Variants in FBXL7 observed in about 807,000 individuals in gnomAD.
FBXL7 encodes F-box and leucine rich repeat protein 7, also known as F-box/LRR-repeat protein 7.
Under a neutral mutation model 38.3 loss-of-function variants are expected in FBXL7, and 12 were observed. The observed-to-expected ratio is 0.31, with a 90% CI of 0.20 to 0.51. FBXL7 has a LOEUF of 0.51. Among genes scored for constraint, FBXL7 ranks in the 20% least tolerant of loss-of-function variants. The pLI is 0.98. For missense variants in FBXL7, 567 were observed against 676.4 expected (o/e 0.84, Z 1.79); for synonymous variants, 297 against 300.9 (o/e 0.99, Z 0.13).
chr5:15,830,803 G>A (rs1738436691), intron 2 of FBXL7, among the ~76,000 whole-genome samples: 1 of 152,178 alleles, frequency 6.6e-6, no homozygotes, highest in South Asian at 2.1e-4. Flanking sequence ...AGAGAAGATG[G>A]TGGAGGGGAG....
At chr5:15,537,361 A>G (rs142630730) in intron 1 of FBXL7, among the ~76,000 whole-genome samples, 54 of 152,348 alleles carry the variant, frequency 3.5e-4, no homozygotes, top group Non-Finnish European at 6.9e-4. Flanking sequence ...AACACAGTAG[A>G]TAGGACACAC....
intron 2 of FBXL7, among the ~76,000 whole-genome samples, chr5:15,815,587 A>ACC (rs1480557493): frequency 6.6e-6 from 1 of 152,202 alleles, no homozygotes; most frequent in Non-Finnish European, 1.5e-5. Context: ...ACATTAAAGA[A>ACC]TCTACTCAAT....
At chr5:15,776,779 A>G (rs553665260) in intron 2 of FBXL7, among the ~76,000 whole-genome samples, 1 of 152,236 alleles carries the variant, frequency 6.6e-6, no homozygotes, top group Admixed American at 6.5e-5. Flanking sequence ...TTTACCTTAA[A>G]TATTCTTATG....
intron 1 of FBXL7, among the ~76,000 whole-genome samples, chr5:15,590,488 C>G (rs1739438425): frequency 6.6e-6 from 1 of 152,124 alleles, no homozygotes; most frequent in African/African-American, 2.4e-5. Flanking sequence ...TGCAAGACTT[C>G]AAGTTTCACC....
intron 2 of FBXL7, among the ~76,000 whole-genome samples, chr5:15,655,889 T>G (rs1431077065): frequency 2.6e-5 from 4 of 152,208 alleles, no homozygotes; most frequent in Non-Finnish European, 4.4e-5. Flanking sequence ...AGTACTGTTA[T>G]TGTATCTGGA....
At chr5:15,521,264 G>T (rs1320727335) in intron 1 of FBXL7, among the ~76,000 whole-genome samples, 1 of 152,162 alleles carries the variant, frequency 6.6e-6, no homozygotes, top group Non-Finnish European at 1.5e-5. Flanking sequence ...ACTGCTTATT[G>T]GTTTACTATG....
At chr5:15,850,982 C>G (rs1260941806) in intron 2 of FBXL7, among the ~76,000 whole-genome samples, 1 of 152,244 alleles carries the variant, frequency 6.6e-6, no homozygotes, top group African/African-American at 2.4e-5. Flanking sequence ...TTCCCCTCTC[C>G]TAGAGCCGCT....
At chr5:15,926,411 T>C (rs1245480532) in intron 2 of FBXL7, among the ~76,000 whole-genome samples, 3 of 148,334 alleles carry the variant, frequency 2.0e-5, no homozygotes, top group East Asian at 3.9e-4. Context: ...ATTTATATTA[T>C]ATTGGATCTA....
chr5:15,648,550 T>A (rs1323006975), intron 2 of FBXL7, among the ~76,000 whole-genome samples: 1 of 152,220 alleles, frequency 6.6e-6, no homozygotes, highest in Non-Finnish European at 1.5e-5. Context: ...TAAAGCCCAG[T>A]TGAACAGTTC....
intron 2 of FBXL7, among the ~76,000 whole-genome samples, chr5:15,775,767 A>G (rs1366318780): frequency 6.6e-6 from 1 of 152,204 alleles, no homozygotes; most frequent in African/African-American, 2.4e-5. Context: ...AAACGAGGAT[A>G]GCAGTCTTTT....
intron 2 of FBXL7, among the ~76,000 whole-genome samples, chr5:15,654,508 C>T (rs1016071953): frequency 9.9e-5 from 15 of 151,366 alleles, no homozygotes; most frequent in African/African-American, 3.6e-4. Flanking sequence ...ATGGCTGATA[C>T]ATATTCGGAA....
At position 15,933,846 on chromosome 5, in the gene FBXL7, C is replaced by T. The variant is rs111860336; in HGVS notation, c.740-2604C>T. On this transcript the variant is annotated intron_variant, in intron 3 of 3. Coordinates refer to ENST00000504595, the MANE Select transcript of FBXL7 (RefSeq NM_012304.5). ...GAAACAGCCAAGGTGCAGAAGTGTC[C>T]GAAGTGAGGCGCCTAGCTGTAGAAC... 4.7e-3 allele frequency among the ~76,000 whole-genome samples: 718 copies of T among 152,006 alleles called. 6 individuals carry two copies. Among genetic ancestry groups the T allele is most frequent in the African/African-American group, 0.016 (648 of 41,438 alleles).
chr5:15,527,938 A>C (rs929613059), intron 1 of FBXL7, among the ~76,000 whole-genome samples: 2 of 152,196 alleles, frequency 1.3e-5, no homozygotes, highest in Non-Finnish European at 2.9e-5. Context: ...TAATTCTTCA[A>C]ATATTCTTCA....
chr5:15,559,335 C>T (rs1738343007), intron 1 of FBXL7, among the ~76,000 whole-genome samples: 2 of 152,058 alleles, frequency 1.3e-5, no homozygotes, highest in Non-Finnish European at 2.9e-5. Context: ...TCATGGAGCT[C>T]ACAATGAAAA....
chr5:15,647,478 AT>A (rs1741569523), intron 2 of FBXL7, among the ~76,000 whole-genome samples: 1 of 152,206 alleles, frequency 6.6e-6, no homozygotes, highest in Non-Finnish European at 1.5e-5. Flanking sequence ...GACCACAGCA[AT>A]GTCTACAATC....
At chr5:15,724,026 T>C (rs1328277746) in intron 2 of FBXL7, among the ~76,000 whole-genome samples, 4 of 152,200 alleles carry the variant, frequency 2.6e-5, no homozygotes, top group African/African-American at 9.6e-5. Flanking sequence ...CATTGAGGAA[T>C]ATCTTGGTAC....
intron 1 of FBXL7, among the ~76,000 whole-genome samples, chr5:15,562,630 G>A (rs956342535): frequency 1.3e-5 from 2 of 151,640 alleles, no homozygotes; most frequent in South Asian, 2.1e-4. Context: ...TTTCTTGCTC[G>A]TCTGTCTGCT....
intron 2 of FBXL7, among the ~76,000 whole-genome samples, chr5:15,810,899 C>T (rs920071096): frequency 6.6e-6 from 1 of 152,154 alleles, no homozygotes; most frequent in African/African-American, 2.4e-5. Flanking sequence ...ACATATCTCT[C>T]AAGTAAATAA....
chr5:15,752,118 G>C (rs1376926502), intron 2 of FBXL7, among the ~76,000 whole-genome samples: 1 of 152,082 alleles, frequency 6.6e-6, no homozygotes, highest in Admixed American at 6.6e-5. Context: ...ACATGGAAGT[G>C]TATGTACTGG....
Sources: allele counts gnomAD v4.1 joint callset (sites outside exome capture counted in the v4.1 genomes callset), GRCh38; gene constraint gnomAD v4.1.1; transcripts MANE v1.5; gene names NCBI Gene and HGNC (gene_info 2026-07-23, HGNC 2026-07-21).